The following A1CF variants were observed in gnomAD, a reference collection of about 807,000 sequenced individuals.
A1CF encodes the protein APOBEC-1 stimulating protein.
In A1CF, 48 loss-of-function variants were observed where a neutral mutation model predicts 68.9. The ratio of observed to expected loss-of-function variants is 0.70; its 90% CI spans 0.55 to 0.89. The LOEUF is 0.89. Among genes scored for constraint, A1CF ranks in the 40% least tolerant of loss-of-function variants. A1CF has a pLI of 0.00. For missense variants in A1CF, 653 were observed against 718.9 expected (o/e 0.91, Z 1.05); for synonymous variants, 272 against 260.4 (o/e 1.04, Z -0.43).
At chr10:50,876,803 A>G (rs1196044078) in intron 1 of A1CF, among the ~76,000 whole-genome samples, 2 of 152,172 alleles carry the variant, frequency 1.3e-5, no homozygotes, top group Non-Finnish European at 2.9e-5. Flanking sequence ...AAATCTCTTT[A>G]TTTGTATTTA....
chr10:50,856,581 T>G (rs1840487405), intron 3 of A1CF, among the ~76,000 whole-genome samples: 1 of 152,124 alleles, frequency 6.6e-6, no homozygotes, highest in Non-Finnish European at 1.5e-5. Context: ...AGTCACATTA[T>G]AACAACTCTC....
rs118111625 is a variant in A1CF at position 50,825,751 on chromosome 10, C to T, written c.769+2380G>A. Among the ~76,000 whole-genome samples the T allele has an allele frequency of 3.1e-3, 470 of 152,122 alleles. 2 individuals carry two copies. The highest frequency in any genetic ancestry group is 5.2e-3 in the Non-Finnish European group (355 of 67,978). ...ACAAGATGAGTAGCAACTAACTATC[C>T]CCTTCCACCTTCCCTCTATTCCTTT... On this transcript the variant is annotated intron_variant, in intron 7 of 12. Transcript: ENST00000373997.
intron 3 of A1CF, 139 bp from the exon 4 acceptor site, chr10:50,844,261 G>A: frequency 7.9e-7 from 1 of 1,259,696 alleles, no homozygotes; most frequent in Non-Finnish European, 1.1e-6. Context: ...ACTGGTTAAA[G>A]GAGAAAAATT....
chr10:50,878,354 A>C (rs188104496), intron 1 of A1CF, among the ~76,000 whole-genome samples: 1 of 152,350 alleles, frequency 6.6e-6, no homozygotes. Flanking sequence ...TAAATGGCTA[A>C]AGTTTATGCA....
In A1CF at chr10:50,813,864, G is replaced by A; in HGVS notation, c.1316C>T (p.Ala439Val). ...TGGAATAACATTACCTACCTGGGGA[G>A]CGAGTTTAATTCCTTGGGGTTTTAA... ...VTLKPQGIKL[A>V]PQILEEICQK... Residue 439 changes from alanine to valine, a missense_variant, in exon 10 of 13, where the codon GCT (alanine) becomes GTT (valine). Ala to Val is a moderately conservative substitution (Grantham distance 64, BLOSUM62 0). Transcript: ENST00000373997. The A allele has an allele frequency of 6.2e-7, 1 of 1,613,540 alleles. No homozygotes were observed. Among genetic ancestry groups the A allele is most frequent in the East Asian group, 2.2e-5 (1 of 44,860 alleles).
chr10:50,845,095 G>A (rs554612974), intron 3 of A1CF, among the ~76,000 whole-genome samples: 1 of 152,184 alleles, frequency 6.6e-6, no homozygotes, highest in Admixed American at 6.5e-5. Context: ...GATATCATAT[G>A]AGTCTTCTAC....
Position 50,815,947 on chromosome 10 carries a change from G to A in A1CF, c.1141+59C>T, listed in dbSNP as rs1743388290. On this transcript the variant is annotated intron_variant, in intron 9 of 12. Coordinates refer to ENST00000373997, the MANE Select transcript of A1CF (RefSeq NM_014576.4). ...CCCATCCAATGTATCTAAGGCTACT[G>A]CAATTTGAGTCATTTGAAATCTTGG... 4 of 1,579,608 alleles carry A rather than the reference G, an allele frequency of 2.5e-6. No individual in the cohort carries two copies. In the South Asian group the frequency reaches 4.6e-5, roughly 18 times the overall value.
At chr10:50,808,187 G>A (rs1016091243) in intron 12 of A1CF, among the ~76,000 whole-genome samples, 4 of 152,154 alleles carry the variant, frequency 2.6e-5, no homozygotes, top group Admixed American at 2.6e-4. Flanking sequence ...TTTGTTAAGT[G>A]CCAGGGTGTT....
intron 7 of A1CF, chr10:50,823,704 T>C (rs560477417): frequency 1.3e-5 from 2 of 152,266 alleles, no homozygotes; most frequent in African/African-American, 2.4e-5. Context: ...AGAATGACTA[T>C]AATTGGAAAT....
At chr10:50,838,192 T>C (rs1839605714) in intron 5 of A1CF, among the ~76,000 whole-genome samples, 2 of 152,092 alleles carry the variant, frequency 1.3e-5, no homozygotes, top group Non-Finnish European at 2.9e-5. Context: ...GAATGGCTCT[T>C]GGTTGTGTGG....
chr10:50,877,404 C>T (rs565122632), intron 1 of A1CF, among the ~76,000 whole-genome samples: 3 of 152,212 alleles, frequency 2.0e-5, no homozygotes, highest in African/African-American at 4.8e-5. Flanking sequence ...ATCTGGTTTC[C>T]TCAGACCAAT....
At chr10:50,873,021 T>C (rs1250729435) in intron 1 of A1CF, among the ~76,000 whole-genome samples, 2 of 142,320 alleles carry the variant, frequency 1.4e-5, no homozygotes, top group Admixed American at 1.5e-4. Context: ...GGTGGGGTGA[T>C]CTCAGCTCAC....
At chr10:50,810,765 G>A (rs1838070105) in intron 11 of A1CF, among the ~76,000 whole-genome samples, 1 of 152,184 alleles carries the variant, frequency 6.6e-6, no homozygotes, top group Non-Finnish European at 1.5e-5. Context: ...AGCCAAGAAT[G>A]GGCTATAGTT....
chr10:50,827,336 C>T (rs1031682490), intron 7 of A1CF, among the ~76,000 whole-genome samples: 16 of 152,182 alleles, frequency 1.1e-4, no homozygotes, highest in South Asian at 2.1e-4. Flanking sequence ...ATACATTCTT[C>T]TCAGCTCCAC....
At chr10:50,881,863 G>A (rs1841786466) in intron 1 of A1CF, among the ~76,000 whole-genome samples, 2 of 151,924 alleles carry the variant, frequency 1.3e-5, no homozygotes, top group African/African-American at 2.4e-5. Context: ...ATATTACCAG[G>A]GACCAATTCC....
Position 50,806,655 on chromosome 10 carries a change from G to A in A1CF, c.*74C>T, listed in dbSNP as rs1276314663. ...ATATTATTTATGATCATTGGGGACCGAGTTAGAGGTTTATTTCTTTTTTTT... is the reference window on the plus strand; with the variant it reads ...ATATTATTTATGATCATTGGGGACCAAGTTAGAGGTTTATTTCTTTTTTTT... On this transcript the variant is annotated 3_prime_UTR_variant, in exon 13 of 13. Transcript: ENST00000373997. 19 of 1,380,124 alleles carry A rather than the reference G, an allele frequency of 1.4e-5. No individual in the cohort carries two copies. The highest frequency in any genetic ancestry group is 7.2e-5 in the Admixed American group (3 of 41,572). 85.5% of individuals were successfully genotyped at this position (1,380,124 alleles called of 1,614,324 possible). A position where few individuals can be genotyped will look rare whatever the true frequency, so the allele number is the denominator to read the frequency against.
At chr10:50,871,160 T>C (rs1841249411) in intron 1 of A1CF, among the ~76,000 whole-genome samples, 1 of 151,834 alleles carries the variant, frequency 6.6e-6, no homozygotes, top group Admixed American at 6.6e-5. Flanking sequence ...AATCATTTAT[T>C]CTCATTAAAA....
chr10:50,808,776 T>C (rs897050743), intron 12 of A1CF, among the ~76,000 whole-genome samples: 1 of 151,990 alleles, frequency 6.6e-6, no homozygotes, highest in African/African-American at 2.4e-5. Flanking sequence ...TTCAAAACTT[T>C]TGAGAAAAAA....
intron 7 of A1CF, among the ~76,000 whole-genome samples, chr10:50,822,499 C>T (rs1278157046): frequency 4.6e-5 from 7 of 152,154 alleles, no homozygotes; most frequent in Admixed American, 2.0e-4. Context: ...TACTCTCCCA[C>T]GTGGTTCAAT....
Sources: allele counts gnomAD v4.1 joint callset (sites outside exome capture counted in the v4.1 genomes callset), GRCh38; gene constraint gnomAD v4.1.1; transcripts MANE v1.5; gene names NCBI Gene and HGNC (gene_info 2026-07-23, HGNC 2026-07-21).